Variants in PTPRF observed in about 807,000 individuals in gnomAD.
PTPRF encodes protein tyrosine phosphatase receptor type F, also known as receptor-type tyrosine-protein phosphatase F.
PTPRF carries 59 observed loss-of-function variants against 201.8 expected under a neutral mutation model. The observed-to-expected ratio is 0.29, with a 90% CI of 0.24 to 0.36. PTPRF has a LOEUF of 0.36. Ranked by LOEUF, PTPRF falls within the 10% of genes least tolerant of loss-of-function variation. PTPRF has a pLI of 1.00. For missense variants in PTPRF, 2,132 were observed against 2,690.5 expected (o/e 0.79, Z 4.59); for synonymous variants, 1,088 against 1,089.7 (o/e 1.00, Z 0.03).
At position 43,553,788 on chromosome 1, in the gene PTPRF, GT is replaced by G. The variant is rs770075725; in HGVS notation, c.238-11del. ...CTGAGTAGGCTGTGACCCCATGTCT[GT>G]CCTCTGACAGGTCATTGAGTTTGAT... On this transcript the variant is annotated splice_polypyrimidine_tract_variant and intron_variant, in intron 4 of 33. Transcript: ENST00000359947. The surrounding 1 kb of genome is among the most constrained non-coding windows in gnomAD (Gnocchi z 4.1). 6.2e-7 allele frequency: 1 copy of G among 1,614,134 alleles called. No individual in the cohort carries two copies. The highest frequency in any genetic ancestry group is 8.5e-7 in the Non-Finnish European group (1 of 1,180,026).
intron 5 of PTPRF, 95 bp from the exon 6 acceptor site, chr1:43,569,495 C>T: frequency 7.6e-7 from 1 of 1,322,468 alleles, no homozygotes; most frequent in South Asian, 1.4e-5. Flanking sequence ...GTCTTGAGGG[C>T]CCTGGCCAAC....
rs1182223779 is a variant in PTPRF at position 43,622,399 on chromosome 1, G to T, written c.*396G>T. 1.0e-5 allele frequency: 2 copies of T among 199,952 alleles called. No homozygotes were observed. Among genetic ancestry groups the T allele is most frequent in the Admixed American group, 5.8e-5 (1 of 17,324 alleles). The allele number at this position is 199,952 out of a possible 1,614,324, so 12.4% of individuals were successfully genotyped here. A position where few individuals can be genotyped will look rare whatever the true frequency, so the allele number is the denominator to read the frequency against. On this transcript the variant is annotated 3_prime_UTR_variant, in exon 34 of 34. Coordinates refer to ENST00000359947, the MANE Select transcript of PTPRF (RefSeq NM_002840.5). ...CTCTGATTTTTCCTTTCGCGAATCCGTATCTGCAGAATGGGCCACTGTAGG... is the reference window on the plus strand; with the variant it reads ...CTCTGATTTTTCCTTTCGCGAATCCTTATCTGCAGAATGGGCCACTGTAGG...
At chr1:43,619,890 C>T in intron 29 of PTPRF, 32 bp downstream of exon 29, 1 of 1,607,648 alleles carries the variant, frequency 6.2e-7, no homozygotes, top group Non-Finnish European at 8.5e-7. Context: ...CCACCATGCC[C>T]TACAGGGGCC....
rs762436515 is a variant in PTPRF, at chr1:43,606,885, G to A, written c.3774G>A (p.Glu1258=). ...VQVTPAQQQE[E]PEMLWVTGPV... ...TGACACCAGCCCAGCAGCAGGAGGAGCCGGAGATGCTGTGGGTGACGGGTC... is the reference window on the plus strand; with the variant it reads ...TGACACCAGCCCAGCAGCAGGAGGAACCGGAGATGCTGTGGGTGACGGGTC... Residue 1258 remains glutamate, a synonymous_variant, in exon 21 of 34, where the codon GAG becomes GAA. Coordinates refer to ENST00000359947, the MANE Select transcript of PTPRF (RefSeq NM_002840.5). The A allele has an allele frequency of 6.2e-7, 1 of 1,614,208 alleles. No homozygotes were observed. Among genetic ancestry groups the A allele is most frequent in the Non-Finnish European group, 8.5e-7 (1 of 1,180,036 alleles).
chr1:43,620,016 C>T, intron 29 of PTPRF, 79 bp from the exon 30 acceptor site: 2 of 1,595,638 alleles, frequency 1.3e-6, no homozygotes, highest in Non-Finnish European at 1.7e-6. Context: ...TGAGCAGGGC[C>T]CCAAGGGGCT....
chr1:43,545,666 T>G (rs1242193925), intron 3 of PTPRF, among the ~76,000 whole-genome samples: 1 of 152,110 alleles, frequency 6.6e-6, no homozygotes, highest in Non-Finnish European at 1.5e-5. Flanking sequence ...GATCCAAGTA[T>G]GCAGATCTGA....
intron 8 of PTPRF, among the ~76,000 whole-genome samples, chr1:43,590,037 AG>A (rs1418600748): frequency 6.6e-6 from 1 of 152,176 alleles, no homozygotes; most frequent in African/African-American, 2.4e-5. Flanking sequence ...CCGTTGTTTT[AG>A]GATACAGATC....
chr1:43,581,345 G>A (rs986711857), intron 7 of PTPRF, among the ~76,000 whole-genome samples: 1 of 152,290 alleles, frequency 6.6e-6, no homozygotes, highest in South Asian at 2.1e-4. Context: ...CCTGACTTCT[G>A]TTGTCTCTCT....
Position 43,605,249 on chromosome 1 carries a change from A to G in PTPRF, c.3195A>G (p.Ala1065=). The part of the protein sequence containing the change: ...VDGHSMRKLI[A]DLQPNTEYSF... Reference sequence around the variant, plus strand: ...GGCACTCGATGCGGAAGCTGATCGCAGACCTGCAGCCCAACACAGAGTACT... The same window carrying G: ...GGCACTCGATGCGGAAGCTGATCGCGGACCTGCAGCCCAACACAGAGTACT... Residue 1065 remains alanine (A), a synonymous_variant, in exon 18 of 34, where the codon GCA becomes GCG. Coordinates refer to ENST00000359947, the MANE Select transcript of PTPRF (RefSeq NM_002840.5). 1.2e-6 allele frequency: 2 copies of G among 1,610,290 alleles called. No homozygotes were observed. Among genetic ancestry groups the G allele is most frequent in the Non-Finnish European group, 1.7e-6 (2 of 1,177,102 alleles).
chr1:43,609,367 C>G lies in PTPRF; in HGVS notation c.3858-16C>G. On this transcript the variant is annotated splice_polypyrimidine_tract_variant and intron_variant, in intron 21 of 33. Coordinates refer to ENST00000359947, the MANE Select transcript of PTPRF (RefSeq NM_002840.5). Reference sequence around the variant, plus strand: ...TGGACCTCAGGTTCTCACCAGCCTCCCTTCTGTCTCTCTAGGAAAAGGACC... The same window carrying G: ...TGGACCTCAGGTTCTCACCAGCCTCGCTTCTGTCTCTCTAGGAAAAGGACC... 1.2e-6 allele frequency: 2 copies of G among 1,608,908 alleles called. No homozygotes were observed. Among genetic ancestry groups the G allele is most frequent in the Non-Finnish European group, 1.7e-6 (2 of 1,175,664 alleles).
rs200617199 is a variant in PTPRF, at chr1:43,603,965, C to T, written c.2813C>T (p.Pro938Leu). Residue 938 changes from proline to leucine, a missense_variant, in exon 16 of 34, where the codon CCG becomes CTG. Pro to Leu is a moderately conservative substitution (Grantham distance 98). Transcript: ENST00000359947. The surrounding 1 kb of genome is among the most constrained non-coding windows in gnomAD (Gnocchi z 5.8). ...TTSTTELAWD[P>L]PVLAERNGRI... is the part of the protein sequence containing the mutation. ...TCTACCACAGAACTGGCCTGGGACC[C>T]GCCAGTGCTGGCGGAGAGGAACGGG... 520 of 1,614,156 alleles carry T rather than the reference C, an allele frequency of 3.2e-4. 1 individual carries two copies. Among genetic ancestry groups the T allele is most frequent in the African/African-American group, 3.6e-4 (27 of 75,050 alleles).
rs527647358 is a variant in PTPRF at position 43,536,714 on chromosome 1, C to T, written c.-125-1484C>T. Among the ~76,000 whole-genome samples, 4 of 152,294 alleles carry T rather than the reference C, an allele frequency of 2.6e-5. No individual in the cohort carries two copies. In the East Asian group the frequency reaches 7.7e-4, roughly 29 times the overall value. On this transcript the variant is annotated intron_variant, in intron 1 of 33. Coordinates refer to ENST00000359947, the MANE Select transcript of PTPRF (RefSeq NM_002840.5). ...TGTCTGGCCAGACCTGCTGGGCAGC[C>T]TGTATGCTGGGAGCAGCAGCTGCTG...
chr1:43,538,535 G>A (rs1644166704), intron 2 of PTPRF, among the ~76,000 whole-genome samples: 1 of 152,186 alleles, frequency 6.6e-6, no homozygotes, highest in Admixed American at 6.5e-5. Flanking sequence ...GATTGAATGT[G>A]GGGCATGAAG....
At chr1:43,566,480 G>C (rs1245760338) in intron 5 of PTPRF, among the ~76,000 whole-genome samples, 1 of 152,214 alleles carries the variant, frequency 6.6e-6, no homozygotes. Context: ...AGTTGCCCAG[G>C]TCCTCAGCCT....
Position 43,619,782 on chromosome 1 carries a change from A to G in PTPRF, c.5035A>G (p.Thr1679Ala). ...RLVNIMPYEL[T>A]RVCLQPIRGV... ...GGTGAACATCATGCCCTACGAATTG[A>G]CCCGTGTGTGTCTGCAGCCCATCCG... The change falls in exon 29 of 34, where the codon ACC becomes GCC. Residue 1679 changes from threonine (T) to alanine (A), a missense_variant. By Grantham distance (58) the Thr-to-Ala change is moderately conservative. Around this residue, in one of 6 missense-constraint regions of PTPRF, gnomAD observed 519 missense variants for 659.5 expected, o/e 0.79. Coordinates refer to ENST00000359947, the MANE Select transcript of PTPRF (RefSeq NM_002840.5). The G allele has an allele frequency of 1.2e-6, 2 of 1,614,182 alleles. No homozygotes were observed. The highest frequency in any genetic ancestry group is 8.5e-7 in the Non-Finnish European group (1 of 1,180,016).
intron 5 of PTPRF, among the ~76,000 whole-genome samples, chr1:43,555,755 C>G (rs1645324975): frequency 6.6e-6 from 1 of 152,164 alleles, no homozygotes; most frequent in Non-Finnish European, 1.5e-5. Flanking sequence ...GTATCATTAT[C>G]CTTAATGGCT....
At chr1:43,609,834 G>C (rs519669) in intron 22 of PTPRF, among the ~76,000 whole-genome samples, 121,812 of 152,248 alleles carry the variant, frequency 0.8, 49,533 homozygotes, top group African/African-American at 0.93. Context: ...AGTGTCTGGC[G>C]CACGCTCTGA....
chr1:43,588,957 C>T lies in PTPRF; in HGVS notation c.906C>T (p.Ser302=). The change falls in exon 8 of 34, where the codon TCC becomes TCT. Residue 302 remains serine (S), a synonymous_variant. Transcript: ENST00000359947. This position sits in a 1 kb window ranked among gnomAD's most constrained non-coding sequence, Gnocchi z 5.3. ...RSANYTCVAI[S]SLGMIEATAQ... is the part of the protein sequence containing the mutation. Reference sequence around the variant, plus strand: ...CCAACTACACCTGTGTGGCCATCTCCTCGCTGGGCATGATCGAGGCCACAG... The same window carrying T: ...CCAACTACACCTGTGTGGCCATCTCTTCGCTGGGCATGATCGAGGCCACAG... 1.3e-6 allele frequency: 2 copies of T among 1,582,982 alleles called. No individual in the cohort carries two copies. Among genetic ancestry groups the T allele is most frequent in the Non-Finnish European group, 1.7e-6 (2 of 1,159,652 alleles).
At chr1:43,613,465 T>C in intron 22 of PTPRF, 153 bp from the exon 23 acceptor site, 1 of 686,560 alleles carries the variant, frequency 1.5e-6, no homozygotes. Flanking sequence ...CCGCCATCCC[T>C]GTCGCCGCAT....
Sources: gnomAD v4.1 joint callset for allele counts (sites outside exome capture counted in the v4.1 genomes callset) on GRCh38, gnomAD v4.1.1 for gene constraint, gnomAD v4.1.1 regional missense constraint, Gnocchi (gnomAD v3.1) non-coding constraint, MANE v1.5 for transcripts, NCBI Gene and HGNC (gene_info 2026-07-23, HGNC 2026-07-21) for gene names.